SEC16A: variants seen among roughly 807,000 people sequenced by gnomAD.
The protein encoded by SEC16A is protein transport protein Sec16A.
A neutral mutation model predicts 221.9 loss-of-function variants in SEC16A; 110 were observed. The observed-to-expected ratio is 0.50, with a 90% CI of 0.42 to 0.58. SEC16A has a LOEUF of 0.58. Among genes scored for constraint, SEC16A ranks in the 20% least tolerant of loss-of-function variants. The pLI is 0.00. For synonymous variants in SEC16A, 1,393 were observed against 1,257.7 expected (o/e 1.11, Z -2.28); for missense variants, 3,165 against 3,097.8 (o/e 1.02, Z -0.52).
At chr9:136,455,535 G>A (rs1183112393) in intron 20 of SEC16A, 66 bp downstream of exon 20, 4 of 1,433,882 alleles carry the variant, frequency 2.8e-6, no homozygotes, top group South Asian at 1.4e-5. Flanking sequence ...CAAGGGTGCA[G>A]GCCATGGCTC....
intron 1 of SEC16A, among the ~76,000 whole-genome samples, chr9:136,480,064 G>A (rs1437724699): frequency 1.3e-5 from 2 of 152,172 alleles, no homozygotes; most frequent in South Asian, 4.1e-4. Context: ...AGGAACAGCA[G>A]CAAAGGCTTC....
Position 136,454,253 on chromosome 9 carries a change from C to T in SEC16A, c.5932G>A (p.Gly1978Arg), listed in dbSNP as rs1838288615. ...VPMFPVPLPP[G>R]PLEPGPGCVT... ...CAGCCAGGACCCGGCTCCAGGGGCCCCGGGGGCAGTGGCACTGGGAACATC... is the reference window on the plus strand; with the variant it reads ...CAGCCAGGACCCGGCTCCAGGGGCCTCGGGGGCAGTGGCACTGGGAACATC... Residue 1978 changes from glycine (G) to arginine (R), a missense_variant, in exon 21 of 32, where the codon GGG (glycine) becomes AGG (arginine). This residue lies in a region of SEC16A where 1,088 missense variants were observed against 1,089.6 expected (regional missense o/e 1.00). Coordinates refer to ENST00000684901, the MANE Select transcript of SEC16A (RefSeq NM_014866.2). 1.3e-6 allele frequency: 2 copies of T among 1,579,660 alleles called. No individual in the cohort carries two copies. The highest frequency in any genetic ancestry group is 2.3e-5 in the South Asian group (2 of 86,236).
At position 136,459,695 on chromosome 9, in the gene SEC16A, G is replaced by C; in HGVS notation, c.5191+62C>G. On this transcript the variant is annotated intron_variant, in intron 15 of 31. Transcript: ENST00000684901. This position sits in a 1 kb window ranked among gnomAD's most constrained non-coding sequence, Gnocchi z 6.1. ...TCTGGTGATTTCTGCCAACGCCACA[G>C]ACAACCGGGCCTTCGGCGCTCCATC... is the stretch of plus-strand genomic sequence containing the variant. 6.9e-7 allele frequency: 1 copy of C among 1,446,208 alleles called. No homozygotes were observed. The highest frequency in any genetic ancestry group is 9.5e-7 in the Non-Finnish European group (1 of 1,053,180). 89.6% of individuals were successfully genotyped at this position (1,446,208 alleles called of 1,614,324 possible).
At chr9:136,473,944 C>A (rs757836538) in intron 3 of SEC16A, 105 bp downstream of exon 3, 5 of 1,306,140 alleles carry the variant, frequency 3.8e-6, no homozygotes, top group South Asian at 1.4e-5. Flanking sequence ...GTGGGTGACC[C>A]CGGAACCAAG....
At chr9:136,484,722 G>A (rs142971274), upstream of SEC16A, 15 of 1,366,728 alleles carry the variant, frequency 1.1e-5, no homozygotes, top group African/African-American at 2.1e-4. Context: ...TCCGGCTGAC[G>A]TGGCACCAGG....
At chr9:136,480,387 C>T (rs546495608) in intron 1 of SEC16A, among the ~76,000 whole-genome samples, 1 of 152,180 alleles carries the variant, frequency 6.6e-6, no homozygotes, top group African/African-American at 2.4e-5. Context: ...ACACAGAGCA[C>T]GGGCCTAGAG....
chr9:136,465,935 T>C (rs1322325573), intron 8 of SEC16A, 27 bp downstream of exon 8: 1 of 1,596,896 alleles, frequency 6.3e-7, no homozygotes, highest in Admixed American at 1.7e-5. Context: ...GGTTAGCCGG[T>C]ATCCCTCTGT....
Position 136,474,507 on chromosome 9 carries a change from G to C in SEC16A, c.3109C>G (p.Leu1037Val). ...GTGACCTGCTGATAAAAACGGTCAAGGTTAGGCGCCCCAGGCCCAGATTGT... is the reference window on the plus strand; with the variant it reads ...GTGACCTGCTGATAAAAACGGTCAACGTTAGGCGCCCCAGGCCCAGATTGT... ...PRQSGPGAPNLDRFYQQVTKD... is the reference protein window; with the variant it reads ...PRQSGPGAPNVDRFYQQVTKD... Residue 1037 changes from leucine (L) to valine (V), a missense_variant, in exon 3 of 32, where the codon CTT (leucine) becomes GTT (valine). Leu to Val is a conservative substitution (Grantham distance 32, BLOSUM62 1). Transcript: ENST00000684901. 6.2e-7 allele frequency: 1 copy of C among 1,613,032 alleles called. No individual in the cohort carries two copies. Among genetic ancestry groups the C allele is most frequent in the Admixed American group, 1.7e-5 (1 of 60,004 alleles).
At chr9:136,449,912 A>G (rs183607959) in intron 23 of SEC16A, among the ~76,000 whole-genome samples, 1 of 152,072 alleles carries the variant, frequency 6.6e-6, no homozygotes, top group Non-Finnish European at 1.5e-5. Context: ...TTCATAAAAT[A>G]CCATTACTAG....
Position 136,447,065 on chromosome 9 carries a change from A to C in SEC16A, c.6698-116T>G. On this transcript the variant is annotated intron_variant, in intron 27 of 31. Coordinates refer to ENST00000684901, the MANE Select transcript of SEC16A (RefSeq NM_014866.2). This position sits in a 1 kb window ranked among gnomAD's most constrained non-coding sequence, Gnocchi z 5.5. ...CTGCACACGCGGCACACTCATGCAGAAACAGGCAAATCAAAAAAAAAACCA... is the reference window on the plus strand; with the variant it reads ...CTGCACACGCGGCACACTCATGCAGCAACAGGCAAATCAAAAAAAAAACCA... The C allele has an allele frequency of 1.3e-6, 2 of 1,540,426 alleles. No homozygotes were observed. Among genetic ancestry groups the C allele is most frequent in the Non-Finnish European group, 8.7e-7 (1 of 1,148,290 alleles).
intron 31 of SEC16A, among the ~76,000 whole-genome samples, chr9:136,443,221 C>T (rs1365304260): frequency 1.6e-5 from 2 of 122,820 alleles, no homozygotes; most frequent in African/African-American, 6.1e-5. Context: ...CACGGAGGGC[C>T]TCGTGTCGAC....
At chr9:136,458,064 C>T (rs1838940913) in intron 17 of SEC16A, among the ~76,000 whole-genome samples, 1 of 152,146 alleles carries the variant, frequency 6.6e-6, no homozygotes, top group Non-Finnish European at 1.5e-5. Context: ...TCAAGCAGTC[C>T]TCCCACCTCA....
rs898098578 is a variant in SEC16A at position 136,475,659 on chromosome 9, C to T, written c.1957G>A (p.Asp653Asn). Reference protein sequence around the residue: ...KQCRPAAALPDASPGNLEQPP... With the variant: ...KQCRPAAALPNASPGNLEQPP... ...TGCTCCAGGTTGCCAGGGGAAGCATCGGGCAGGGCGGCAGCTGGTCTGCAC... is the reference window on the plus strand; with the variant it reads ...TGCTCCAGGTTGCCAGGGGAAGCATTGGGCAGGGCGGCAGCTGGTCTGCAC... Residue 653 changes from aspartate to asparagine, a missense_variant, in exon 3 of 32, where the codon GAT becomes AAT. This residue lies in a region of SEC16A where 2,030 missense variants were observed against 1,923.1 expected (regional missense o/e 1.06). Transcript: ENST00000684901. This position sits in a 1 kb window ranked among gnomAD's most constrained non-coding sequence, Gnocchi z 5.0. The T allele has an allele frequency of 5.6e-6, 9 of 1,613,608 alleles. No homozygotes were observed. The highest frequency in any genetic ancestry group is 2.2e-5 in the South Asian group (2 of 91,056).
upstream of SEC16A, chr9:136,484,560 T>C (rs763516934): frequency 1.5e-6 from 2 of 1,319,892 alleles, no homozygotes; most frequent in East Asian, 9.4e-5. Flanking sequence ...GCCCGCCCGA[T>C]GGCATCGCGG....
At chr9:136,477,857 ACTG>A (rs943039390) in intron 2 of SEC16A, among the ~76,000 whole-genome samples, 173 bp from the exon 3 acceptor site, 9 of 152,242 alleles carry the variant, frequency 5.9e-5, no homozygotes, top group African/African-American at 2.2e-4. Context: ...TCCCTGAGGA[ACTG>A]TTCTGGGGGG....
intron 17 of SEC16A, among the ~76,000 whole-genome samples, chr9:136,457,917 G>T (rs979154368): frequency 6.6e-6 from 1 of 152,130 alleles, no homozygotes; most frequent in East Asian, 1.9e-4. Context: ...ACTGCCTTCC[G>T]TGTAGCTTAA....
chr9:136,476,710 G>C lies in SEC16A; in HGVS notation c.906C>G (p.Phe302Leu), dbSNP rs1192900788. 9 of 1,587,346 alleles carry C rather than the reference G, an allele frequency of 5.7e-6. No individual in the cohort carries two copies. The South Asian group carries it at 8.0e-5, about 14-fold the overall frequency. The change falls in exon 3 of 32, where the codon TTC (phenylalanine) becomes TTG (leucine). Residue 302 changes from phenylalanine to leucine, a missense_variant. By Grantham distance (22) the Phe-to-Leu change is conservative (BLOSUM62 0). Coordinates refer to ENST00000684901, the MANE Select transcript of SEC16A (RefSeq NM_014866.2). ...LANNSDPESTFRQNPRIVNHW... is the reference protein window; with the variant it reads ...LANNSDPESTLRQNPRIVNHW... ...GATTCACAATTCTGGGATTTTGCCTGAATGTACTTTCAGGATCAGAGTTAT... is the reference window on the plus strand; with the variant it reads ...GATTCACAATTCTGGGATTTTGCCTCAATGTACTTTCAGGATCAGAGTTAT...
At chr9:136,451,134 C>A (rs1837733481) in intron 23 of SEC16A, 122 bp downstream of exon 23, 2 of 1,017,700 alleles carry the variant, frequency 2.0e-6, no homozygotes, top group Non-Finnish European at 1.5e-6. Context: ...TGTAGACACT[C>A]GGCTGTTTGT....
rs200253490 is a variant in SEC16A at position 136,445,703 on chromosome 9, G to A, written c.6809C>T (p.Ala2270Val). The stretch of plus-strand genomic sequence containing the variant: ...GGGGAGTTCAGAGCCAGGGAGTGAC[G>A]CTGCAGAGCTTAAAACCTGCCGAGG... The part of the protein sequence containing the change: ...APEPKVLSSA[A>V]SLPGSELPSS... Residue 2270 changes from alanine to valine, a missense_variant, in exon 29 of 32, where the codon GCG (alanine) becomes GTG (valine). This residue lies in a region of SEC16A where 1,088 missense variants were observed against 1,089.6 expected (regional missense o/e 1.00). Transcript: ENST00000684901. 248 of 1,552,066 alleles carry A rather than the reference G, an allele frequency of 1.6e-4. No homozygotes were observed. The highest frequency in any genetic ancestry group is 1.9e-4 in the Non-Finnish European group (215 of 1,148,252).
Sources: allele counts gnomAD v4.1 joint callset (sites outside exome capture counted in the v4.1 genomes callset), GRCh38; gene constraint gnomAD v4.1.1; regional missense constraint gnomAD v4.1.1; non-coding constraint Gnocchi (gnomAD v3.1); transcripts MANE v1.5; gene names NCBI Gene and HGNC (gene_info 2026-07-23, HGNC 2026-07-21).